Variants in LRRK1 observed in about 807,000 individuals in gnomAD.
The protein encoded by LRRK1 is leucine-rich repeat serine/threonine-protein kinase 1.
Under a neutral mutation model 209.1 loss-of-function variants are expected in LRRK1, and 113 were observed. That is an observed-to-expected ratio of 0.54 (90% CI 0.46 to 0.63). The LOEUF (loss-of-function observed/expected upper bound fraction) is 0.63. Among genes scored for constraint, LRRK1 ranks in the 30% least tolerant of loss-of-function variants. LRRK1 has a pLI of 0.00. For missense variants in LRRK1, 2,284 were observed against 2,632.2 expected, an observed-to-expected ratio of 0.87 and a Z score of 2.89; for synonymous variants, 1,144 against 1,099.7, an observed-to-expected ratio of 1.04 and a Z score of -0.80.
At position 100,934,891 on chromosome 15, in the gene LRRK1, C is replaced by T. The variant is rs937321136; in HGVS notation, c.97+10162C>T. Reference sequence around the variant, plus strand: ...AGAGTAAGATCATGTACAAAAGAGGCACAGTGTGGCCATTTTGATTTATTA... The same window carrying T: ...AGAGTAAGATCATGTACAAAAGAGGTACAGTGTGGCCATTTTGATTTATTA... On this transcript the variant is annotated intron_variant, in intron 2 of 33. Coordinates refer to ENST00000388948, the MANE Select transcript of LRRK1 (RefSeq NM_024652.6). 2.6e-5 allele frequency among the ~76,000 whole-genome samples: 4 copies of T among 151,516 alleles called. 1 individual carries two copies. The highest frequency in any genetic ancestry group is 2.6e-4 in the Admixed American group (4 of 15,222).
chr15:100,959,053 G>A (rs1194804019), intron 2 of LRRK1, among the ~76,000 whole-genome samples: 1 of 152,166 alleles, frequency 6.6e-6, no homozygotes, highest in Admixed American at 6.5e-5. Flanking sequence ...CCAGACCTTA[G>A]GGAAGGGTTG....
intron 10 of LRRK1, 42 bp from the exon 11 acceptor site, chr15:101,014,274 T>C: frequency 7.2e-7 from 1 of 1,395,110 alleles, no homozygotes; most frequent in Non-Finnish European, 1.0e-6. Flanking sequence ...TTCTTGTATC[T>C]GATGCTATCT....
chr15:100,949,753 G>T (rs1262085229), intron 2 of LRRK1, among the ~76,000 whole-genome samples: 1 of 151,928 alleles, frequency 6.6e-6, no homozygotes, highest in Non-Finnish European at 1.5e-5. Context: ...ATAGAATAAA[G>T]GAGAAAAAAT....
chr15:101,062,924 ACC>A (rs34453923), intron 31 of LRRK1, among the ~76,000 whole-genome samples: 1 of 150,512 alleles, frequency 6.6e-6, no homozygotes, highest in South Asian at 2.1e-4. Context: ...CGAATGAAAA[ACC>A]CCCTTTCACA....
intron 10 of LRRK1, 43 bp from the exon 11 acceptor site, chr15:101,014,273 C>A: frequency 7.2e-7 from 1 of 1,385,330 alleles, no homozygotes; most frequent in Non-Finnish European, 1.0e-6. Context: ...CTTCTTGTAT[C>A]TGATGCTATC....
At chr15:100,954,730 C>T (rs1185594298) in intron 2 of LRRK1, among the ~76,000 whole-genome samples, 1 of 152,186 alleles carries the variant, frequency 6.6e-6, no homozygotes, top group Non-Finnish European at 1.5e-5. Context: ...TTTTTTTCGA[C>T]ACTATTTATT....
chr15:101,001,313 T>A (rs1596256687), intron 6 of LRRK1, among the ~76,000 whole-genome samples: 1 of 152,108 alleles, frequency 6.6e-6, no homozygotes, highest in East Asian at 1.9e-4. Flanking sequence ...AGACGCTCTC[T>A]GCAGCCATCG....
chr15:101,061,412 G>C lies in LRRK1; in HGVS notation c.4797+124G>C, dbSNP rs1347467380. 4.5e-6 allele frequency: 3 copies of C among 663,462 alleles called. No homozygotes were observed. The Admixed American group carries it at 7.3e-5, about 16-fold the overall frequency. The allele number at this position is 663,462 out of a possible 1,614,324, so 41.1% of individuals were successfully genotyped here. A position where few individuals can be genotyped will look rare whatever the true frequency, so the allele number is the denominator to read the frequency against. On this transcript the variant is annotated intron_variant, in intron 30 of 33. Transcript: ENST00000388948. Reference sequence around the variant, plus strand: ...CAAGTGAACTTTCAGATAACCCCCAGCGCATCCCCGTGCAGTCCCCAAGTA... The same window carrying C: ...CAAGTGAACTTTCAGATAACCCCCACCGCATCCCCGTGCAGTCCCCAAGTA...
At chr15:101,051,987 C>T (rs1431221536) in intron 24 of LRRK1, 27 bp downstream of exon 24, 1 of 1,606,206 alleles carries the variant, frequency 6.2e-7, no homozygotes, top group Middle Eastern at 1.7e-4. Flanking sequence ...CCTCCCAGAA[C>T]ACAGTGCAGG....
intron 6 of LRRK1, among the ~76,000 whole-genome samples, chr15:101,004,336 G>A (rs376847839): frequency 8.9e-4 from 135 of 152,254 alleles, no homozygotes; most frequent in African/African-American, 3.0e-3. Flanking sequence ...TGCTAAAGGC[G>A]GAGTGGGCTA....
intron 10 of LRRK1, among the ~76,000 whole-genome samples, chr15:101,012,612 G>A (rs951275735): frequency 2.0e-5 from 3 of 152,344 alleles, no homozygotes; most frequent in East Asian, 3.9e-4. Context: ...AGCCTCACCA[G>A]GGGCCCTGTA....
chr15:100,938,806 A>G (rs1238326106), intron 2 of LRRK1, among the ~76,000 whole-genome samples: 1 of 152,132 alleles, frequency 6.6e-6, no homozygotes, highest in Non-Finnish European at 1.5e-5. Flanking sequence ...CCTTGGCTGG[A>G]GAGGGCCGGG....
At chr15:100,987,829 C>T (rs1236936188) in intron 4 of LRRK1, among the ~76,000 whole-genome samples, 2 of 152,230 alleles carry the variant, frequency 1.3e-5, no homozygotes, top group African/African-American at 4.8e-5. Context: ...TGCCTGTCTC[C>T]AAAGTTCATA....
chr15:101,026,284 G>A, intron 17 of LRRK1, 147 bp downstream of exon 17: 3 of 760,716 alleles, frequency 3.9e-6, no homozygotes, highest in Non-Finnish European at 6.3e-6. Context: ...AGCTGACCCA[G>A]CCTTGGGGAG....
At chr15:101,052,315 A>G (rs186648498) in intron 24 of LRRK1, among the ~76,000 whole-genome samples, 23 of 152,262 alleles carry the variant, frequency 1.5e-4, no homozygotes, top group Admixed American at 2.0e-4. Context: ...GGGCCAGCAG[A>G]TAAGTGCAGC....
intron 3 of LRRK1, among the ~76,000 whole-genome samples, chr15:100,979,715 C>T (rs11637324): frequency 0.2 from 30,075 of 152,000 alleles, 3,536 homozygotes; most frequent in African/African-American, 0.33. Flanking sequence ...ATATAAAGAA[C>T]TCTCAGAACT....
At chr15:101,028,540 C>T (rs2034144725) in intron 19 of LRRK1, among the ~76,000 whole-genome samples, 2 of 152,236 alleles carry the variant, frequency 1.3e-5, no homozygotes, top group Admixed American at 1.3e-4. Context: ...CTGTTTTCAG[C>T]ATGAGAGCTG....
rs60466078 is a variant in LRRK1 at position 100,968,691 on chromosome 15, TTTCCTTCC to T, written c.98-5091_98-5084del. ...TTCTTTTTCTTTCTTTCTTTCTTTC[TTTCCTTCC>T]TTCCTTCCTTCCTTCCTTCCTCCCT... On this transcript the variant is annotated intron_variant, in intron 2 of 33. Transcript: ENST00000388948. Among the ~76,000 whole-genome samples the T allele has an allele frequency of 8.1e-3, 1,088 of 134,730 alleles. 19 individuals carry two copies. Among genetic ancestry groups the T allele is most frequent in the African/African-American group, 0.028 (952 of 34,550 alleles). 88.4% of individuals were successfully genotyped at this position (134,730 alleles called of 152,430 possible).
intron 33 of LRRK1, chr15:101,067,286 G>A (rs1259602921): frequency 2.2e-6 from 1 of 456,296 alleles, no homozygotes; most frequent in East Asian, 6.9e-5. Flanking sequence ...AGGGTGGCCT[G>A]TCCGGGACAT....
Sources: gnomAD v4.1 joint callset for allele counts (sites outside exome capture counted in the v4.1 genomes callset) on GRCh38, gnomAD v4.1.1 for gene constraint, MANE v1.5 for transcripts, NCBI Gene and HGNC (gene_info 2026-07-23, HGNC 2026-07-21) for gene names.